Variants in NAE1 observed in about 807,000 individuals in gnomAD.
NAE1 encodes the protein NEDD8 activating enzyme E1 subunit 1.
NAE1 carries 59 observed loss-of-function variants against 88.0 expected under a neutral mutation model. The observed-to-expected ratio is 0.67, with a 90% CI of 0.54 to 0.83. The LOEUF is 0.83. Ranked by LOEUF, NAE1 falls within the 40% of genes least tolerant of loss-of-function variation. The pLI, the probability that NAE1 is intolerant of heterozygous loss-of-function variation, is 0.00. For synonymous variants in NAE1, 186 were observed against 208.9 expected (o/e 0.89, Z 0.95); for missense variants, 554 against 632.8 (o/e 0.88, Z 1.34).
intron 5 of NAE1, 55 bp downstream of exon 5, chr16:66,823,474 A>G (rs1333842160): frequency 7.3e-6 from 11 of 1,502,866 alleles, no homozygotes; most frequent in Non-Finnish European, 1.0e-5. Context: ...GGGGCTTTGA[A>G]TTATTTAAAA....
Position 66,806,038 on chromosome 16 carries a change from A to T in NAE1, c.1331-12T>A. On this transcript the variant is annotated splice_polypyrimidine_tract_variant and intron_variant, in intron 17 of 19. Coordinates refer to ENST00000290810, the MANE Select transcript of NAE1 (RefSeq NM_003905.4). ...ATAGTTAGATACTCCTAAAAATAAA[A>T]GTTAGTTTTCATTAAAATAAATGTG... is the stretch of plus-strand genomic sequence containing the variant. The T allele has an allele frequency of 1.3e-6, 2 of 1,594,458 alleles. No individual in the cohort carries two copies. The highest frequency in any genetic ancestry group is 1.7e-6 in the Non-Finnish European group (2 of 1,174,034).
chr16:66,807,972 C>G (rs1209230542), intron 17 of NAE1, among the ~76,000 whole-genome samples: 1 of 151,850 alleles, frequency 6.6e-6, no homozygotes, highest in Admixed American at 6.6e-5. Flanking sequence ...GGCACAATCA[C>G]AACTCACTGT....
At chr16:66,820,159 T>C (rs1276467671) in intron 7 of NAE1, among the ~76,000 whole-genome samples, 1 of 152,214 alleles carries the variant, frequency 6.6e-6, no homozygotes, top group Non-Finnish European at 1.5e-5. Flanking sequence ...ATATTACTCC[T>C]CAGTGATGCT....
chr16:66,822,494 C>T (rs999426579), intron 6 of NAE1, among the ~76,000 whole-genome samples: 1 of 151,842 alleles, frequency 6.6e-6, no homozygotes, highest in African/African-American at 2.4e-5. Context: ...TTACCTGAAC[C>T]CAGGAGGCAG....
At chr16:66,827,818 T>C (rs953911377) in intron 1 of NAE1, 5 of 613,922 alleles carry the variant, frequency 8.1e-6, no homozygotes, top group Non-Finnish European at 1.4e-5. Context: ...ATGTAGTCAG[T>C]ATGTCCTCCA....
chr16:66,824,994 G>T, intron 3 of NAE1, 109 bp from the exon 4 acceptor site: 1 of 814,424 alleles, frequency 1.2e-6, no homozygotes, highest in Non-Finnish European at 1.8e-6. Context: ...AAACTATATT[G>T]TGATTACAGA....
intron 15 of NAE1, 31 bp from the exon 16 acceptor site, chr16:66,809,106 T>G: frequency 6.6e-7 from 1 of 1,505,762 alleles, no homozygotes; most frequent in East Asian, 2.3e-5. Context: ...CTGGAAGTAA[T>G]GACTGTGACT....
chr16:66,811,348 G>C (rs2145319722), intron 13 of NAE1, among the ~76,000 whole-genome samples: 1 of 152,176 alleles, frequency 6.6e-6, no homozygotes, highest in African/African-American at 2.4e-5. Flanking sequence ...TGTAGAGACG[G>C]AGTTTCACCA....
chr16:66,810,481 A>G, intron 14 of NAE1, 68 bp from the exon 15 acceptor site: 1 of 1,402,140 alleles, frequency 7.1e-7, no homozygotes, highest in African/African-American at 1.4e-5. Flanking sequence ...TGCGGCACAA[A>G]GCCAATCACT....
chr16:66,828,022 C>G, intron 1 of NAE1: 3 of 1,614,006 alleles, frequency 1.9e-6, no homozygotes, highest in African/African-American at 1.3e-5. Flanking sequence ...CATCTTTCCA[C>G]TCCACTGTAT....
intron 19 of NAE1, among the ~76,000 whole-genome samples, chr16:66,804,704 G>A (rs1411854209): frequency 1.3e-5 from 2 of 152,094 alleles, no homozygotes; most frequent in Admixed American, 1.3e-4. Flanking sequence ...AACCCCCAGT[G>A]TAATTGTATG....
intron 7 of NAE1, among the ~76,000 whole-genome samples, chr16:66,819,880 A>G (rs1597046497): frequency 6.6e-6 from 1 of 152,278 alleles, no homozygotes; most frequent in Admixed American, 6.5e-5. Flanking sequence ...TCTCTTCCCT[A>G]AATTAGGAAA....
chr16:66,806,105 A>C, intron 17 of NAE1, 79 bp from the exon 18 acceptor site: 1 of 1,425,624 alleles, frequency 7.0e-7, no homozygotes, highest in Non-Finnish European at 9.3e-7. Flanking sequence ...ATCTAGTTTC[A>C]GATGTTCTAG....
Position 66,817,124 on chromosome 16 carries a change from A to G in NAE1, c.685-96T>C, listed in dbSNP as rs964744185. On this transcript the variant is annotated intron_variant, in intron 9 of 19. Transcript: ENST00000290810. The stretch of plus-strand genomic sequence containing the variant: ...TCCCCCATTCTCTACATAAGATTTC[A>G]TCAACAAATATATTTCTCTGTGAAA... 9.2e-6 allele frequency: 13 copies of G among 1,411,550 alleles called. No individual in the cohort carries two copies. In the South Asian group the frequency reaches 1.5e-4, roughly 16 times the overall value. The allele number at this position is 1,411,550 out of a possible 1,614,324, so 87.4% of individuals were successfully genotyped here.
chr16:66,809,178 G>T, intron 15 of NAE1, 103 bp from the exon 16 acceptor site: 1 of 717,584 alleles, frequency 1.4e-6, no homozygotes, highest in Non-Finnish European at 2.2e-6. Flanking sequence ...ACCCTTCTCA[G>T]ACATGAGAAT....
At chr16:66,815,602 C>T (rs890330751) in intron 11 of NAE1, among the ~76,000 whole-genome samples, 12 of 152,078 alleles carry the variant, frequency 7.9e-5, no homozygotes, top group Non-Finnish European at 1.6e-4. Context: ...AATCTTTCTG[C>T]CCTGGCCTCC....
chr16:66,806,731 T>C (rs1959582152), intron 17 of NAE1, among the ~76,000 whole-genome samples: 1 of 152,188 alleles, frequency 6.6e-6, no homozygotes, highest in Non-Finnish European at 1.5e-5. Context: ...GTCACATTTA[T>C]TGAGCATTAA....
chr16:66,806,114 A>C, intron 17 of NAE1, 88 bp from the exon 18 acceptor site: 2 of 1,389,378 alleles, frequency 1.4e-6, no homozygotes, highest in Non-Finnish European at 1.9e-6. Flanking sequence ...CAGATGTTCT[A>C]GTCAAAATAT....
Position 66,816,683 on chromosome 16 carries a change from G to A in NAE1, c.749-11C>T. On this transcript the variant is annotated splice_polypyrimidine_tract_variant and intron_variant, in intron 10 of 19. Transcript: ENST00000290810. ...CATTTTTTAGAATTCCTATTGTAAT[G>A]GGAAATTGTTAGCAAACAGCCCTTT... is the stretch of plus-strand genomic sequence containing the variant. The A allele has an allele frequency of 1.3e-6, 2 of 1,575,380 alleles. No homozygotes were observed. Among genetic ancestry groups the A allele is most frequent in the Non-Finnish European group, 1.7e-6 (2 of 1,147,260 alleles).
Sources: allele counts gnomAD v4.1 joint callset (sites outside exome capture counted in the v4.1 genomes callset), GRCh38; gene constraint gnomAD v4.1.1; transcripts MANE v1.5; gene names NCBI Gene and HGNC (gene_info 2026-07-23, HGNC 2026-07-21).